SEC63: variants seen among roughly 807,000 people sequenced by gnomAD.
SEC63 encodes SEC63 protein translocation regulator.
SEC63 carries 56 observed loss-of-function variants against 116.2 expected under a neutral mutation model. That is an observed-to-expected ratio of 0.48 (90% CI 0.39 to 0.60). SEC63 has a LOEUF of 0.60. Ranked by LOEUF, SEC63 falls within the 20% of genes least tolerant of loss-of-function variation. SEC63 has a pLI of 0.00. For missense variants in SEC63, 668 were observed against 900.0 expected, an observed-to-expected ratio of 0.74 and a Z score of 3.30; for synonymous variants, 273 against 294.6, an observed-to-expected ratio of 0.93 and a Z score of 0.75.
intron 16 of SEC63, among the ~76,000 whole-genome samples, chr6:107,892,948 C>A (rs1786717844): frequency 6.6e-6 from 1 of 152,132 alleles, no homozygotes; most frequent in Non-Finnish European, 1.5e-5. Context: ...TATAATCTAG[C>A]AATTCCACTG....
intron 1 of SEC63, among the ~76,000 whole-genome samples, chr6:107,948,795 A>G (rs1216128336): frequency 6.6e-6 from 1 of 152,182 alleles, no homozygotes; most frequent in African/African-American, 2.4e-5. Flanking sequence ...TAGGACCAAG[A>G]AGGTAACCAC....
At position 107,893,478 on chromosome 6, in the gene SEC63, T is replaced by C. The variant is rs375648715; in HGVS notation, c.1674+4A>G. 1.1e-5 allele frequency: 17 copies of C among 1,611,376 alleles called. No homozygotes were observed. In the East Asian group the frequency reaches 1.1e-4, roughly 11 times the overall value. On this transcript the variant is annotated splice_donor_region_variant and intron_variant, in intron 16 of 20. Transcript: ENST00000369002. Reference sequence around the variant, plus strand: ...AATGATAATAACGATAATAATAAACTTACATTCCCAACGACTCCATTTGCC... The same window carrying C: ...AATGATAATAACGATAATAATAAACCTACATTCCCAACGACTCCATTTGCC...
chr6:107,873,464 G>C (rs1786181784), intron 19 of SEC63, among the ~76,000 whole-genome samples: 2 of 151,882 alleles, frequency 1.3e-5, no homozygotes, highest in African/African-American at 4.8e-5. Context: ...GTATTCTCTG[G>C]TGATCTGCTC....
At chr6:107,918,660 C>G (rs1043871254) in intron 4 of SEC63, among the ~76,000 whole-genome samples, 18 of 150,772 alleles carry the variant, frequency 1.2e-4, no homozygotes, top group Non-Finnish European at 2.7e-4. Flanking sequence ...GCAATGCACT[C>G]CAGCCTGGGC....
chr6:107,956,046 G>A (rs2114527732), intron 1 of SEC63: 2 of 400,674 alleles, frequency 5.0e-6, no homozygotes, highest in Non-Finnish European at 1.0e-5. Context: ...TCGGGGGGCT[G>A]AAGCGGGAGG....
intron 1 of SEC63, among the ~76,000 whole-genome samples, chr6:107,938,833 G>A (rs1241960644): frequency 6.6e-6 from 1 of 152,088 alleles, no homozygotes; most frequent in Non-Finnish European, 1.5e-5. Context: ...GGGATTACAG[G>A]CATGAGCCAC....
chr6:107,911,323 T>A, intron 7 of SEC63, 23 bp downstream of exon 7: 1 of 1,554,524 alleles, frequency 6.4e-7, no homozygotes, highest in African/African-American at 1.4e-5. Context: ...AAAAAAACAT[T>A]AACTTAAAAA....
rs1222328359 is a variant in SEC63 at position 107,870,458 on chromosome 6, GGAAA to G, written c.*1242_*1245del. On this transcript the variant is annotated 3_prime_UTR_variant, in exon 21 of 21. Transcript: ENST00000369002. ...ATTTTGACCTATGGAGATTTTGATA[GGAAA>G]GAATTATTACAATCAGTTTTATAAT... 2.0e-5 allele frequency: 3 copies of G among 152,628 alleles called. No homozygotes were observed. Among genetic ancestry groups the G allele is most frequent in the East Asian group, 3.9e-4 (2 of 5,166 alleles). The allele number at this position is 152,628 out of a possible 1,614,324, so 9.5% of individuals were successfully genotyped here.
At chr6:107,885,944 G>T (rs1379559594) in intron 16 of SEC63, among the ~76,000 whole-genome samples, 2 of 151,970 alleles carry the variant, frequency 1.3e-5, no homozygotes, top group Admixed American at 1.3e-4. Context: ...ATGCCATGGT[G>T]GTTTGCTGCA....
At chr6:107,953,147 C>G (rs1200545330) in intron 1 of SEC63, among the ~76,000 whole-genome samples, 1 of 152,196 alleles carries the variant, frequency 6.6e-6, no homozygotes. Flanking sequence ...GTTTTCCTAG[C>G]TACTCAGGAG....
chr6:107,947,363 A>G (rs1052253903), intron 1 of SEC63, among the ~76,000 whole-genome samples: 2 of 152,098 alleles, frequency 1.3e-5, no homozygotes, highest in Non-Finnish European at 2.9e-5. Context: ...CAAAAAAAAG[A>G]ACAAAAAAAC....
chr6:107,939,201 G>A (rs186915002), intron 1 of SEC63, among the ~76,000 whole-genome samples: 50 of 152,158 alleles, frequency 3.3e-4, no homozygotes, highest in African/African-American at 1.1e-3. Flanking sequence ...GAGGATCACC[G>A]GAGCCCAGCA....
chr6:107,917,499 C>G (rs1787435407), intron 4 of SEC63, among the ~76,000 whole-genome samples: 1 of 152,124 alleles, frequency 6.6e-6, no homozygotes, highest in African/African-American at 2.4e-5. Context: ...GAATCAAAAG[C>G]TAGAAATGAC....
intron 1 of SEC63, among the ~76,000 whole-genome samples, chr6:107,949,428 A>G (rs1246674991): frequency 6.6e-6 from 1 of 152,176 alleles, no homozygotes; most frequent in Non-Finnish European, 1.5e-5. Context: ...ACTTGGGCCC[A>G]GGAGTTTGAG....
chr6:107,930,173 C>CTTTTTTTTTTTTT (rs1206634310), intron 1 of SEC63: 7 of 89,292 alleles, frequency 7.8e-5, no homozygotes, highest in Admixed American at 1.7e-4. Flanking sequence ...GCAAAGTATT[C>CTTTTTTTTTTTTT]TTTTTTTTTT....
intron 1 of SEC63, among the ~76,000 whole-genome samples, chr6:107,947,126 C>T (rs530518047): frequency 8.0e-4 from 122 of 152,118 alleles, no homozygotes; most frequent in Middle Eastern, 3.4e-3. Context: ...CTGGTGAAAC[C>T]CTATCTCTAC....
At chr6:107,885,790 G>C (rs1786513220) in intron 16 of SEC63, among the ~76,000 whole-genome samples, 2 of 152,028 alleles carry the variant, frequency 1.3e-5, no homozygotes, top group Non-Finnish European at 2.9e-5. Flanking sequence ...TATGGCACTG[G>C]CATAAGAATA....
At chr6:107,942,977 T>C (rs904665158) in intron 1 of SEC63, among the ~76,000 whole-genome samples, 2 of 152,240 alleles carry the variant, frequency 1.3e-5, no homozygotes, top group Non-Finnish European at 2.9e-5. Flanking sequence ...ACTTAGAGCA[T>C]CACTAGTGGC....
At chr6:107,908,785 C>A in intron 8 of SEC63, 142 bp downstream of exon 8, 1 of 528,526 alleles carries the variant, frequency 1.9e-6, no homozygotes, top group Non-Finnish European at 3.4e-6. Context: ...TGGCATTTTT[C>A]TCTAGCTTTA....
Sources: allele counts gnomAD v4.1 joint callset (sites outside exome capture counted in the v4.1 genomes callset), GRCh38; gene constraint gnomAD v4.1.1; transcripts MANE v1.5; gene names NCBI Gene and HGNC (gene_info 2026-07-23, HGNC 2026-07-21).